The following RASD1 variants were observed in gnomAD, a reference collection of about 807,000 sequenced individuals.
The protein encoded by RASD1 is ras related dexamethasone induced 1.
RASD1 carries 13 observed loss-of-function variants against 16.7 expected under a neutral mutation model. The ratio of observed to expected loss-of-function variants is 0.78; its 90% CI spans 0.51 to 1.24. The LOEUF (loss-of-function observed/expected upper bound fraction) is 1.24. Ranked by LOEUF, RASD1 falls within the 50% of genes most tolerant of loss-of-function variation. The pLI is 0.00. For synonymous variants in RASD1, 170 were observed against 172.6 expected, an observed-to-expected ratio of 0.98 and a Z score of 0.12; for missense variants, 397 against 407.5, an observed-to-expected ratio of 0.97 and a Z score of 0.22.
At position 17,496,379 on chromosome 17, in the gene RASD1, C is replaced by T. The variant is rs984503559; in HGVS notation, c.-198G>A. On this transcript the variant is annotated 5_prime_UTR_variant, in exon 1 of 2. Coordinates refer to ENST00000225688, the MANE Select transcript of RASD1 (RefSeq NM_016084.5). ...GGCTGGGGTTCTCCCAGGATCTGGG[C>T]ACAGGCCGCTTGCTCTGGCTTTGGC... The T allele has an allele frequency of 3.6e-6, 2 of 555,520 alleles. No homozygotes were observed. Among genetic ancestry groups the T allele is most frequent in the Admixed American group, 4.0e-5 (1 of 24,758 alleles). The allele number at this position is 555,520 out of a possible 1,614,324, so 34.4% of individuals were successfully genotyped here.
chr17:17,495,481 C>T lies in RASD1; in HGVS notation c.490G>A (p.Val164Met), dbSNP rs756383891. ...GCGCAGCGCTGGGGGTCGTCGCCCA[C>T]CAGCTGCTCGATCTCGCGCTGGTCC... ...EVDQREIEQL[V>M]GDDPQRCAYF... The change falls in exon 2 of 2, where the codon GTG becomes ATG. Residue 164 changes from valine to methionine, a missense_variant. Coordinates refer to ENST00000225688, the MANE Select transcript of RASD1 (RefSeq NM_016084.5). The T allele has an allele frequency of 5.6e-6, 9 of 1,610,368 alleles. No homozygotes were observed. Among genetic ancestry groups the T allele is most frequent in the African/African-American group, 2.7e-5 (2 of 74,890 alleles).
chr17:17,495,043 C>A lies in RASD1; in HGVS notation c.*82G>T, dbSNP rs2142482650. 1 of 1,533,354 alleles carries A rather than the reference C, an allele frequency of 6.5e-7. No individual in the cohort carries two copies. Among genetic ancestry groups the A allele is most frequent in the Non-Finnish European group, 8.8e-7 (1 of 1,137,358 alleles). The allele number at this position is 1,533,354 out of a possible 1,614,324, so 95.0% of individuals were successfully genotyped here. On this transcript the variant is annotated 3_prime_UTR_variant, in exon 2 of 2. Transcript: ENST00000225688. ...GGGAGACGCCAGTCCGCGCGCGCTC[C>A]CGGCCTGGGGCGCACCGGGCCGTTG...
At position 17,495,880 on chromosome 17, in the gene RASD1, C is replaced by T; in HGVS notation, c.286+16G>A. ...CCCCGCCCTTCCCTCCCGCACCTGC[C>T]CGGCCCCCGGCTCACCTGTGAGGAT... On this transcript the variant is annotated intron_variant, in intron 1 of 1. Coordinates refer to ENST00000225688, the MANE Select transcript of RASD1 (RefSeq NM_016084.5). The T allele has an allele frequency of 6.3e-7, 1 of 1,594,520 alleles. No homozygotes were observed. The highest frequency in any genetic ancestry group is 2.2e-5 in the East Asian group (1 of 44,504).
chr17:17,494,898 G>T lies in RASD1; in HGVS notation c.*227C>A. On this transcript the variant is annotated 3_prime_UTR_variant, in exon 2 of 2. Transcript: ENST00000225688. ...AGTTATGGGGGTGGCGGGCCTCAAT[G>T]GGGGACCGGGGGTGGGGAATAGTCC... 1.6e-6 allele frequency: 1 copy of T among 613,732 alleles called. No individual in the cohort carries two copies. Among genetic ancestry groups the T allele is most frequent in the Non-Finnish European group, 2.7e-6 (1 of 365,164 alleles). 38.0% of individuals were successfully genotyped at this position (613,732 alleles called of 1,614,324 possible).
Position 17,495,994 on chromosome 17 carries a change from T to C in RASD1, c.188A>G (p.Lys63Arg), listed in dbSNP as rs773160914. The change falls in exon 1 of 2, where the codon AAG (lysine) becomes AGG (arginine). Residue 63 changes from lysine (K) to arginine (R), a missense_variant. By Grantham distance (26) the Lys-to-Arg change is conservative. Transcript: ENST00000225688. ...YTPTIEDFHR[K>R]FYSIRGEVYQ... ...GACCTCGCCGCGGATGGAGTAGAAC[T>C]TGCGGTGGAAGTCCTCGATGGTAGG... 6.2e-7 allele frequency: 1 copy of C among 1,613,926 alleles called. No homozygotes were observed.
chr17:17,495,787 A>G, intron 1 of RASD1, 103 bp from the exon 2 acceptor site: 1 of 1,402,104 alleles, frequency 7.1e-7, no homozygotes, highest in Non-Finnish European at 9.4e-7. Flanking sequence ...AGCCTCTCTA[A>G]GCGCGAAGCG....
chr17:17,496,303 G>T lies in RASD1; in HGVS notation c.-122C>A. ...GCTCTGCTCGGGCTGGGCGCGGCTC[G>T]GGCTTGGGGCTCCGGCTCCGCTCGG... On this transcript the variant is annotated 5_prime_UTR_variant, in exon 1 of 2. Transcript: ENST00000225688. 1 of 1,086,204 alleles carries T rather than the reference G, an allele frequency of 9.2e-7. No homozygotes were observed. Among genetic ancestry groups the T allele is most frequent in the Non-Finnish European group, 1.3e-6 (1 of 790,004 alleles). 67.3% of individuals were successfully genotyped at this position (1,086,204 alleles called of 1,614,324 possible). A position where few individuals can be genotyped will look rare whatever the true frequency, so the allele number is the denominator to read the frequency against.
chr17:17,495,212 G>A lies in RASD1; in HGVS notation c.759C>T (p.Pro253=), dbSNP rs1905377209. ...TGTACATGAGGTCGCTGTGTACGCT[G>A]GGCCGGCGCGCGAAGGGTGCCACGA... ...FGIVAPFARR[P]SVHSDLMYIR... The change falls in exon 2 of 2, where the codon CCC becomes CCT. Residue 253 remains proline, a synonymous_variant. Transcript: ENST00000225688. 2 of 1,610,824 alleles carry A rather than the reference G, an allele frequency of 1.2e-6. No homozygotes were observed. Among genetic ancestry groups the A allele is most frequent in the Non-Finnish European group, 8.5e-7 (1 of 1,179,390 alleles).
Position 17,496,105 on chromosome 17 carries a change from C to A in RASD1, c.77G>T (p.Arg26Leu). The change falls in exon 1 of 2, where the codon CGC becomes CTC. Residue 26 changes from arginine (R) to leucine (L), a missense_variant. Physicochemically the swap from Arg to Leu is moderately radical, Grantham distance 102. Transcript: ENST00000225688. The stretch of plus-strand genomic sequence containing the variant: ...CTTGGACGAGCCGAGGATGACCATG[C>A]GATAGCAGTTCTTGGCCGGGATACT... ...ELSIPAKNCY[R>L]MVILGSSKVG... The A allele has an allele frequency of 3.1e-6, 5 of 1,614,058 alleles. No individual in the cohort carries two copies. The highest frequency in any genetic ancestry group is 4.2e-6 in the Non-Finnish European group (5 of 1,180,002).
At position 17,495,108 on chromosome 17, in the gene RASD1, C is replaced by T. The variant is rs1456851906; in HGVS notation, c.*17G>A. On this transcript the variant is annotated 3_prime_UTR_variant, in exon 2 of 2. Coordinates refer to ENST00000225688, the MANE Select transcript of RASD1 (RefSeq NM_016084.5). ...AAAAGGTCCTCCTTAGGTTGTGTCG[C>T]CAGCGCGGCGGGGCTCCTAGCTGAT... The T allele has an allele frequency of 1.2e-6, 2 of 1,609,706 alleles. No homozygotes were observed. Among genetic ancestry groups the T allele is most frequent in the East Asian group, 4.5e-5 (2 of 44,820 alleles).
chr17:17,496,218 G>T lies in RASD1; in HGVS notation c.-37C>A. ...GCCGCGAGGGCGGGCGCGGGGCCGA[G>T]AGAAGGGCAGAGAGCGGCTGAGGGT... On this transcript the variant is annotated 5_prime_UTR_variant, in exon 1 of 2. Transcript: ENST00000225688. 6.5e-7 allele frequency: 1 copy of T among 1,530,440 alleles called. No individual in the cohort carries two copies. The allele number at this position is 1,530,440 out of a possible 1,614,324, so 94.8% of individuals were successfully genotyped here.
At position 17,495,344 on chromosome 17, in the gene RASD1, G is replaced by C; in HGVS notation, c.627C>G (p.Val209=). 6.4e-7 allele frequency: 1 copy of C among 1,570,942 alleles called. No homozygotes were observed. Among genetic ancestry groups the C allele is most frequent in the Non-Finnish European group, 8.6e-7 (1 of 1,157,896 alleles). Residue 209 remains valine, a synonymous_variant, in exon 2 of 2, where the codon GTC becomes GTG. Coordinates refer to ENST00000225688, the MANE Select transcript of RASD1 (RefSeq NM_016084.5). Reference sequence around the variant, plus strand: ...GCAGCACGTCGCAGTACTGCACCGAGACCTTGCGGTGCAGGTCTGGGCTCA... The same window carrying C: ...GCAGCACGTCGCAGTACTGCACCGACACCTTGCGGTGCAGGTCTGGGCTCA... ...SEMSPDLHRK[V]SVQYCDVLHK...
rs1283292023 is a variant in RASD1, at chr17:17,496,260, G to C, written c.-79C>G. ...GCTGAGGGTCGCTGGGGTGGCACGCGGGGTGAGCGGCTGGAGGGCTCTGCT... is the reference window on the plus strand; with the variant it reads ...GCTGAGGGTCGCTGGGGTGGCACGCCGGGTGAGCGGCTGGAGGGCTCTGCT... On this transcript the variant is annotated 5_prime_UTR_variant, in exon 1 of 2. Transcript: ENST00000225688. 1 of 1,437,714 alleles carries C rather than the reference G, an allele frequency of 7.0e-7. No homozygotes were observed. Among genetic ancestry groups the C allele is most frequent in the Non-Finnish European group, 9.3e-7 (1 of 1,077,614 alleles). 89.1% of individuals were successfully genotyped at this position (1,437,714 alleles called of 1,614,324 possible).
chr17:17,495,996 G>A lies in RASD1; in HGVS notation c.186C>T (p.Arg62=), dbSNP rs763147276. Residue 62 remains arginine, a synonymous_variant, in exon 1 of 2, where the codon CGC becomes CGT. Coordinates refer to ENST00000225688, the MANE Select transcript of RASD1 (RefSeq NM_016084.5). ...CCTCGCCGCGGATGGAGTAGAACTTGCGGTGGAAGTCCTCGATGGTAGGCG... is the reference window on the plus strand; with the variant it reads ...CCTCGCCGCGGATGGAGTAGAACTTACGGTGGAAGTCCTCGATGGTAGGCG... ...AYTPTIEDFH[R]KFYSIRGEVY... is the part of the protein sequence containing the mutation. 50 of 1,613,820 alleles carry A rather than the reference G, an allele frequency of 3.1e-5. 2 individuals carry two copies. In the South Asian group the frequency reaches 5.5e-4, roughly 18 times the overall value.
In RASD1 at chr17:17,494,627, T is replaced by G. The variant is rs1905343153; in HGVS notation, c.*498A>C. 5.6e-6 allele frequency: 1 copy of G among 177,312 alleles called. No individual in the cohort carries two copies. The highest frequency in any genetic ancestry group is 1.2e-5 in the Non-Finnish European group (1 of 84,544). The allele number at this position is 177,312 out of a possible 1,614,324, so 11.0% of individuals were successfully genotyped here. ...GCAGTTTCACTCACATGTAAACAAGTCACTTGGCTATGATTTGACCCACGC... is the reference window on the plus strand; with the variant it reads ...GCAGTTTCACTCACATGTAAACAAGGCACTTGGCTATGATTTGACCCACGC... On this transcript the variant is annotated 3_prime_UTR_variant, in exon 2 of 2. Transcript: ENST00000225688.
At position 17,495,107 on chromosome 17, in the gene RASD1, G is replaced by A. The variant is rs1410030932; in HGVS notation, c.*18C>T. 6.2e-7 allele frequency: 1 copy of A among 1,609,600 alleles called. No individual in the cohort carries two copies. The highest frequency in any genetic ancestry group is 1.1e-5 in the South Asian group (1 of 90,850). ...AAAAAGGTCCTCCTTAGGTTGTGTC[G>A]CCAGCGCGGCGGGGCTCCTAGCTGA... On this transcript the variant is annotated 3_prime_UTR_variant, in exon 2 of 2. Coordinates refer to ENST00000225688, the MANE Select transcript of RASD1 (RefSeq NM_016084.5).
At position 17,494,989 on chromosome 17, in the gene RASD1, C is replaced by T; in HGVS notation, c.*136G>A. ...GTCCCTTCTCGGTTCAGTGGCGCCTCCCCAGTGCTGGGGGCGGATCGCCGG... is the reference window on the plus strand; with the variant it reads ...GTCCCTTCTCGGTTCAGTGGCGCCTTCCCAGTGCTGGGGGCGGATCGCCGG... On this transcript the variant is annotated 3_prime_UTR_variant, in exon 2 of 2. Coordinates refer to ENST00000225688, the MANE Select transcript of RASD1 (RefSeq NM_016084.5). The T allele has an allele frequency of 8.9e-7, 1 of 1,120,958 alleles. No individual in the cohort carries two copies. Among genetic ancestry groups the T allele is most frequent in the Non-Finnish European group, 1.3e-6 (1 of 796,056 alleles). 69.4% of individuals were successfully genotyped at this position (1,120,958 alleles called of 1,614,324 possible). A position where few individuals can be genotyped will look rare whatever the true frequency, so the allele number is the denominator to read the frequency against.
Position 17,495,942 on chromosome 17 carries a change from G to T in RASD1, c.240C>A (p.Ser80=), listed in dbSNP as rs146366466. Residue 80 remains serine (S), a synonymous_variant, in exon 1 of 2, where the codon TCC becomes TCA. Transcript: ENST00000225688. ...GCATGGCGGGGAACGGGTGGTTGCC[G>T]GACGTGTCGAGGATGTCGAGCTGGT... ...EVYQLDILDT[S]GNHPFPAMRR... 3.0e-5 allele frequency: 49 copies of T among 1,611,584 alleles called. No individual in the cohort carries two copies. The African/African-American group carries it at 6.3e-4, about 21-fold the overall frequency.
Position 17,494,985 on chromosome 17 carries a change from G to C in RASD1, c.*140C>G. 9.4e-7 allele frequency: 1 copy of C among 1,058,262 alleles called. No homozygotes were observed. The highest frequency in any genetic ancestry group is 3.2e-4 in the Middle Eastern group (1 of 3,148). The allele number at this position is 1,058,262 out of a possible 1,614,324, so 65.6% of individuals were successfully genotyped here. A position where few individuals can be genotyped will look rare whatever the true frequency, so the allele number is the denominator to read the frequency against. On this transcript the variant is annotated 3_prime_UTR_variant, in exon 2 of 2. Transcript: ENST00000225688. ...GACCGTCCCTTCTCGGTTCAGTGGC[G>C]CCTCCCCAGTGCTGGGGGCGGATCG...
Sources: allele counts gnomAD v4.1 joint callset, GRCh38; gene constraint gnomAD v4.1.1; transcripts MANE v1.5; gene names NCBI Gene and HGNC (gene_info 2026-07-23, HGNC 2026-07-21).